DNAJC11: variants seen among roughly 807,000 people sequenced by gnomAD.
The protein encoded by DNAJC11 is dnaJ homolog subfamily C member 11.
Under a neutral mutation model 78.6 loss-of-function variants are expected in DNAJC11, and 15 were observed. The observed-to-expected ratio is 0.19, with a 90% CI of 0.13 to 0.29. The LOEUF is 0.29. Ranked by LOEUF, DNAJC11 falls within the 10% of genes least tolerant of loss-of-function variation. The pLI is 1.00. For missense variants in DNAJC11, 547 were observed against 709.6 expected (o/e 0.77, Z 2.60); for synonymous variants, 292 against 272.1 (o/e 1.07, Z -0.72).
intron 2 of DNAJC11, 137 bp from the exon 3 acceptor site, chr1:6,678,604 T>C (rs1642506990): frequency 1.4e-6 from 1 of 691,172 alleles, no homozygotes; most frequent in African/African-American, 1.8e-5. Flanking sequence ...CCCCTTTCAT[T>C]TTCTACACAT....
intron 10 of DNAJC11, among the ~76,000 whole-genome samples, chr1:6,644,348 G>A (rs943322179): frequency 5.9e-5 from 9 of 152,198 alleles, no homozygotes; most frequent in African/African-American, 2.2e-4. Flanking sequence ...TGGCCAGGCT[G>A]GTCTCAAACT....
Position 6,636,190 on chromosome 1 carries a change from C to T in DNAJC11, c.1581G>A (p.Val527=), listed in dbSNP as rs1315102313. 2 of 1,614,070 alleles carry T rather than the reference C, an allele frequency of 1.2e-6. No individual in the cohort carries two copies. The highest frequency in any genetic ancestry group is 3.3e-4 in the Middle Eastern group (2 of 6,084). The change falls in exon 15 of 16, where the codon GTG becomes GTA. Residue 527 remains valine (V), a synonymous_variant. Transcript: ENST00000377577. The part of the protein sequence containing the change: ...PCVGEEKNLK[V]LYQFRGVLHQ... The stretch of plus-strand genomic sequence containing the variant: ...GCAGGACGCCCCGGAACTGATAGAG[C>T]ACTTTCAGGTTCTTCTCTTCCCCCA...
At chr1:6,679,293 A>C (rs1642519348) in intron 2 of DNAJC11, among the ~76,000 whole-genome samples, 1 of 152,198 alleles carries the variant, frequency 6.6e-6, no homozygotes, top group Non-Finnish European at 1.5e-5. Flanking sequence ...TCTTTTGTGC[A>C]CTTCTCCTCT....
At chr1:6,670,789 G>GCTGCCC (rs1557480822) in intron 3 of DNAJC11, 28 of 152,098 alleles carry the variant, frequency 1.8e-4, no homozygotes, top group African/African-American at 6.8e-4. Context: ...TAAAATCATC[G>GCTGCCC]AGGGTGCGTC....
In DNAJC11 at chr1:6,645,879, G is replaced by A. The variant is rs1641956936; in HGVS notation, c.804C>T (p.Gly268=). The A allele has an allele frequency of 6.2e-7, 1 of 1,614,208 alleles. No homozygotes were observed. The highest frequency in any genetic ancestry group is 8.5e-7 in the Non-Finnish European group (1 of 1,180,030). The part of the protein sequence containing the change: ...LARNLDKNTV[G]YLQWRWGIQS... ...GGATACCCCATCGCCACTGCAGGTA[G>A]CCCACGGTGTTCTTGTCTAGGTTCC... is the stretch of plus-strand genomic sequence containing the variant. Residue 268 remains glycine, a synonymous_variant, in exon 8 of 16, where the codon GGC becomes GGT. Coordinates refer to ENST00000377577, the MANE Select transcript of DNAJC11 (RefSeq NM_018198.4). This position sits in a 1 kb window ranked among gnomAD's most constrained non-coding sequence, Gnocchi z 4.1.
Position 6,634,836 on chromosome 1 carries a change from G to A in DNAJC11, c.*839C>T. 1 of 1,241,848 alleles carries A rather than the reference G, an allele frequency of 8.1e-7. No individual in the cohort carries two copies. 76.9% of individuals were successfully genotyped at this position (1,241,848 alleles called of 1,614,324 possible). A position where few individuals can be genotyped will look rare whatever the true frequency, so the allele number is the denominator to read the frequency against. On this transcript the variant is annotated 3_prime_UTR_variant, in exon 16 of 16. Transcript: ENST00000377577. Reference sequence around the variant, plus strand: ...GGGTCCACGCCTTTGGGTTGGGTGTGTCTGATGTCTTGCCAAGCGCCTGGT... The same window carrying A: ...GGGTCCACGCCTTTGGGTTGGGTGTATCTGATGTCTTGCCAAGCGCCTGGT...
chr1:6,667,771 C>T lies in DNAJC11; in HGVS notation c.316G>A (p.Glu106Lys). The change falls in exon 4 of 16, where the codon GAG (glutamate) becomes AAG (lysine). Residue 106 changes from glutamate (E) to lysine (K), a missense_variant. Physicochemically the swap from Glu to Lys is moderately conservative, Grantham distance 56. Coordinates refer to ENST00000377577, the MANE Select transcript of DNAJC11 (RefSeq NM_018198.4). ...CTCTCTCTCTGCAGCCGCTCAAACT[C>T]CTCTCGAATTTCAGCAGGGGTTCTC... is the stretch of plus-strand genomic sequence containing the variant. ...RRRTPAEIRE[E>K]FERLQREREE... 3 of 1,614,120 alleles carry T rather than the reference C, an allele frequency of 1.9e-6. No individual in the cohort carries two copies. Among genetic ancestry groups the T allele is most frequent in the Non-Finnish European group, 2.5e-6 (3 of 1,180,040 alleles).
At chr1:6,669,713 T>A (rs1228061273) in intron 3 of DNAJC11, among the ~76,000 whole-genome samples, 1 of 151,772 alleles carries the variant, frequency 6.6e-6, no homozygotes, top group Non-Finnish European at 1.5e-5. Flanking sequence ...CTGTTTATGG[T>A]GTGAAATTGT....
Position 6,636,106 on chromosome 1 carries a change from C to CGGCT in DNAJC11, c.1654+7_1654+10dup. On this transcript the variant is annotated intron_variant, in intron 15 of 15. Transcript: ENST00000377577. The stretch of plus-strand genomic sequence containing the variant: ...CCGTTAGCTGGTGACTGCGAAGGGA[C>CGGCT]GGCTACTCACACTGCTTTGGTATCC... The CGGCT allele has an allele frequency of 6.2e-7, 1 of 1,612,416 alleles. No individual in the cohort carries two copies. The highest frequency in any genetic ancestry group is 1.1e-5 in the South Asian group (1 of 90,908).
chr1:6,677,218 G>GA (rs1284230925), intron 3 of DNAJC11, among the ~76,000 whole-genome samples: 6 of 151,304 alleles, frequency 4.0e-5, no homozygotes, highest in Non-Finnish European at 7.4e-5. Flanking sequence ...ACATGATGGT[G>GA]AAAATATAAC....
rs143169954 is a variant in DNAJC11, at chr1:6,654,070, C to T, written c.379-31G>A. ...GCAGAAAAACAAGCCGTCAGCAGAA[C>T]GGGTGGTATTTGTGGAATGAAAGAC... is the stretch of plus-strand genomic sequence containing the variant. On this transcript the variant is annotated intron_variant, in intron 4 of 15. Transcript: ENST00000377577. 376 of 1,607,480 alleles carry T rather than the reference C, an allele frequency of 2.3e-4. 6 individuals carry two copies. The African/African-American group carries it at 3.8e-3, about 16-fold the overall frequency.
Position 6,667,747 on chromosome 1 carries a change from T to G in DNAJC11, c.340A>C (p.Arg114=). Residue 114 remains arginine (R), a synonymous_variant, in exon 4 of 16, where the codon AGA becomes CGA. Coordinates refer to ENST00000377577, the MANE Select transcript of DNAJC11 (RefSeq NM_018198.4). ...REEFERLQRE[R]EERRLQQRTN... is the part of the protein sequence containing the mutation. ...CGCTGCTGCAATCTCCTCTCTTCTC[T>G]CTCTCTCTGCAGCCGCTCAAACTCC... 1 of 1,614,036 alleles carries G rather than the reference T, an allele frequency of 6.2e-7. No homozygotes were observed. Among genetic ancestry groups the G allele is most frequent in the Non-Finnish European group, 8.5e-7 (1 of 1,179,972 alleles).
chr1:6,682,572 G>A (rs1642571030), intron 1 of DNAJC11, among the ~76,000 whole-genome samples: 1 of 152,164 alleles, frequency 6.6e-6, no homozygotes, highest in African/African-American at 2.4e-5. Context: ...TGAGGAGTAG[G>A]TGATGGCGTG....
In DNAJC11 at chr1:6,640,271, T is replaced by G. The variant is rs116575237; in HGVS notation, c.1098-214A>C. Among the ~76,000 whole-genome samples, 923 of 152,112 alleles carry G rather than the reference T, an allele frequency of 6.1e-3. 6 individuals carry two copies. Among genetic ancestry groups the G allele is most frequent in the Non-Finnish European group, 8.5e-3 (579 of 68,000 alleles). ...ATCTGACACTGTGACAGAAGAAAGA[T>G]CCCAGTGTCTGCTGACCTCAAGCCA... On this transcript the variant is annotated intron_variant, in intron 10 of 15. Transcript: ENST00000377577.
intron 1 of DNAJC11, among the ~76,000 whole-genome samples, chr1:6,698,738 T>C (rs1158025469): frequency 6.7e-6 from 1 of 150,004 alleles, no homozygotes; most frequent in East Asian, 2.0e-4. Flanking sequence ...GCTCAGGAGT[T>C]TGAGACCAGC....
chr1:6,656,487 G>A (rs2148735279), intron 4 of DNAJC11, among the ~76,000 whole-genome samples: 1 of 152,050 alleles, frequency 6.6e-6, no homozygotes, highest in African/African-American at 2.4e-5. Context: ...AAATACTTGG[G>A]CCAAGATATT....
At chr1:6,639,348 G>A (rs1178567061) in intron 11 of DNAJC11, among the ~76,000 whole-genome samples, 2 of 55,586 alleles carry the variant, frequency 3.6e-5, no homozygotes, top group Admixed American at 2.1e-4. Flanking sequence ...TTTTTTTTTT[G>A]AGACCGAGTC....
At chr1:6,638,904 A>G (rs1641829842) in intron 11 of DNAJC11, among the ~76,000 whole-genome samples, 1 of 152,212 alleles carries the variant, frequency 6.6e-6, no homozygotes, top group East Asian at 1.9e-4. Context: ...TGGGGTCAGC[A>G]TATGCCTGTC....
intron 10 of DNAJC11, among the ~76,000 whole-genome samples, chr1:6,643,420 C>T (rs369400767): frequency 1.3e-4 from 19 of 151,788 alleles, no homozygotes; most frequent in African/African-American, 4.4e-4. Context: ...AGACTACAGG[C>T]GCCCGCCACC....
Sources: allele counts gnomAD v4.1 joint callset (sites outside exome capture counted in the v4.1 genomes callset), GRCh38; gene constraint gnomAD v4.1.1; non-coding constraint Gnocchi (gnomAD v3.1); transcripts MANE v1.5; gene names NCBI Gene and HGNC (gene_info 2026-07-23, HGNC 2026-07-21).